Variants in CTNND2 observed in about 807,000 individuals in gnomAD.
CTNND2 encodes catenin delta-2.
In CTNND2, 22 loss-of-function variants were observed where a neutral mutation model predicts 144.4. The observed-to-expected ratio is 0.15, with a 90% CI of 0.11 to 0.22. CTNND2 has a LOEUF of 0.22. Ranked by LOEUF, CTNND2 falls within the 10% of genes least tolerant of loss-of-function variation. CTNND2 has a pLI of 1.00. For missense variants in CTNND2, 1,353 were observed against 1,618.8 expected (o/e 0.84, Z 2.82); for synonymous variants, 751 against 695.6 (o/e 1.08, Z -1.25).
chr5:11,768,851 A>G (rs1789750560), intron 1 of CTNND2, among the ~76,000 whole-genome samples: 1 of 152,116 alleles, frequency 6.6e-6, no homozygotes, highest in Non-Finnish European at 1.5e-5. Context: ...CCATCTTTCA[A>G]ACATGTGGGG....
intron 7 of CTNND2, among the ~76,000 whole-genome samples, chr5:11,373,610 G>A (rs978052476): frequency 1.1e-4 from 17 of 152,262 alleles, no homozygotes; most frequent in Admixed American, 1.1e-3. Flanking sequence ...GGACCTCAGG[G>A]GAGGGGCCCA....
chr5:11,141,293 A>AT (rs1195779996), intron 12 of CTNND2, among the ~76,000 whole-genome samples: 2,133 of 148,210 alleles, frequency 0.014, 40 homozygotes, highest in African/African-American at 0.046. Flanking sequence ...TAAGACCGTC[A>AT]TTTTTTTTTT....
chr5:11,359,599 A>G (rs1194366933), intron 8 of CTNND2, among the ~76,000 whole-genome samples: 1 of 152,124 alleles, frequency 6.6e-6, no homozygotes, highest in Non-Finnish European at 1.5e-5. Flanking sequence ...TCCCTCTTGG[A>G]GTCCTCGGGC....
intron 3 of CTNND2, among the ~76,000 whole-genome samples, chr5:11,494,360 T>C (rs1769733350): frequency 6.6e-6 from 1 of 152,202 alleles, no homozygotes; most frequent in Non-Finnish European, 1.5e-5. Flanking sequence ...AGTTCAGTTT[T>C]ACCAATCACT....
chr5:11,105,819 A>C (rs1342056668), intron 14 of CTNND2, among the ~76,000 whole-genome samples: 1 of 152,222 alleles, frequency 6.6e-6, no homozygotes, highest in Admixed American at 6.5e-5. Context: ...AGGACATGAA[A>C]TATCATGCCT....
At chr5:11,231,701 C>T (rs976548841) in intron 10 of CTNND2, among the ~76,000 whole-genome samples, 9 of 152,206 alleles carry the variant, frequency 5.9e-5, no homozygotes, top group African/African-American at 2.2e-4. Context: ...AAAAGGAAAA[C>T]TCATTTTCCG....
intron 2 of CTNND2, among the ~76,000 whole-genome samples, chr5:11,669,564 T>C (rs1301375851): frequency 1.3e-5 from 2 of 152,216 alleles, no homozygotes; most frequent in East Asian, 1.9e-4. Flanking sequence ...GTGTTTATAA[T>C]ACTATTCTCT....
chr5:11,195,620 G>A (rs61751799), intron 11 of CTNND2, among the ~76,000 whole-genome samples: 1 of 152,218 alleles, frequency 6.6e-6, no homozygotes, highest in South Asian at 2.1e-4. Context: ...TGGACACTGT[G>A]CTCCTGGAGA....
At chr5:11,720,927 AGTGTTGTCAT>A (rs969724415) in intron 2 of CTNND2, among the ~76,000 whole-genome samples, 35 of 152,200 alleles carry the variant, frequency 2.3e-4, no homozygotes, top group African/African-American at 8.2e-4. Context: ...ATGTTAACCT[AGTGTTGTCAT>A]GTGACCCAGC....
At chr5:11,404,196 C>CACT (rs949275620) in intron 5 of CTNND2, among the ~76,000 whole-genome samples, 39 of 152,166 alleles carry the variant, frequency 2.6e-4, no homozygotes, top group African/African-American at 8.7e-4. Context: ...AATGGGAAAG[C>CACT]AAGTATCTCT....
intron 20 of CTNND2, among the ~76,000 whole-genome samples, chr5:10,985,585 G>T (rs1419674202): frequency 6.6e-6 from 1 of 152,200 alleles, no homozygotes; most frequent in Non-Finnish European, 1.5e-5. Context: ...TTCCCTTGTG[G>T]TTTTCATATC....
chr5:11,071,309 G>A (rs771203492), intron 16 of CTNND2, among the ~76,000 whole-genome samples: 1 of 152,116 alleles, frequency 6.6e-6, no homozygotes, highest in Non-Finnish European at 1.5e-5. Context: ...AGGTTGAGGC[G>A]GGCAGATGGC....
chr5:10,997,026 C>A (rs902000290), intron 18 of CTNND2, among the ~76,000 whole-genome samples: 2 of 151,930 alleles, frequency 1.3e-5, no homozygotes, highest in African/African-American at 2.4e-5. Flanking sequence ...TAATGATGGT[C>A]GTCCCAGGAG....
At chr5:11,796,334 C>G (rs1211205124) in intron 1 of CTNND2, among the ~76,000 whole-genome samples, 2 of 152,244 alleles carry the variant, frequency 1.3e-5, no homozygotes, top group Non-Finnish European at 2.9e-5. Context: ...TCTGCCTACA[C>G]ATGCTAGTCC....
At chr5:11,443,569 TTTC>T (rs1764538780) in intron 3 of CTNND2, among the ~76,000 whole-genome samples, 1 of 152,070 alleles carries the variant, frequency 6.6e-6, no homozygotes, top group African/African-American at 2.4e-5. Flanking sequence ...TTATCTTTAC[TTTC>T]TTCTCTATTT....
chr5:11,210,223 C>T (rs1351622571), intron 10 of CTNND2, among the ~76,000 whole-genome samples: 1 of 152,006 alleles, frequency 6.6e-6, no homozygotes, highest in Non-Finnish European at 1.5e-5. Context: ...TTGGCAAAAC[C>T]CTGTCTCTAC....
chr5:11,048,711 T>C (rs531334521), intron 16 of CTNND2, among the ~76,000 whole-genome samples: 7 of 152,360 alleles, frequency 4.6e-5, no homozygotes, highest in East Asian at 3.9e-4. Flanking sequence ...TTTGGCTGGA[T>C]TGCATACTAG....
intron 12 of CTNND2, among the ~76,000 whole-genome samples, chr5:11,153,995 T>TAATC (rs10657605): frequency 0.078 from 11,914 of 152,132 alleles, 1,462 homozygotes; most frequent in African/African-American, 0.27. Flanking sequence ...CTTCTACCCA[T>TAATC]AGTTCACCCT....
In CTNND2 at chr5:11,890,046, G is replaced by A. The variant is rs1017784437; in HGVS notation, c.37+13771C>T. On this transcript the variant is annotated intron_variant, in intron 1 of 21. Coordinates refer to ENST00000304623, the MANE Select transcript of CTNND2 (RefSeq NM_001332.4). ...ATCTACTTTCATAATTATATATGTTGTGTACTTCCAATTTTGCCATTATTC... is the reference window on the plus strand; with the variant it reads ...ATCTACTTTCATAATTATATATGTTATGTACTTCCAATTTTGCCATTATTC... Among the ~76,000 whole-genome samples, 9 of 152,064 alleles carry A rather than the reference G, an allele frequency of 5.9e-5. No homozygotes were observed. In the South Asian group the frequency reaches 1.9e-3, roughly 32 times the overall value.
Sources: gnomAD v4.1 joint callset for allele counts (sites outside exome capture counted in the v4.1 genomes callset) on GRCh38, gnomAD v4.1.1 for gene constraint, MANE v1.5 for transcripts, NCBI Gene and HGNC (gene_info 2026-07-23, HGNC 2026-07-21) for gene names.